LRMDA: variants seen among roughly 807,000 people sequenced by gnomAD.
The protein encoded by LRMDA is leucine rich melanocyte differentiation associated.
In LRMDA, 18 loss-of-function variants were observed where a neutral mutation model predicts 29.8. The ratio of observed to expected loss-of-function variants is 0.60; its 90% CI spans 0.42 to 0.90. LRMDA has a LOEUF of 0.90. LRMDA is among the 40% of genes least tolerant of loss of function. The pLI is 0.00. For missense variants in LRMDA, 273 were observed against 273.9 expected (o/e 1.00, Z 0.02); for synonymous variants, 125 against 109.4 (o/e 1.14, Z -0.89).
intron 2 of LRMDA, among the ~76,000 whole-genome samples, chr10:75,925,227 C>T (rs1248100024): frequency 1.3e-5 from 2 of 152,056 alleles, no homozygotes; most frequent in African/African-American, 4.8e-5. Context: ...TTTGCCCTCT[C>T]AGCATTAGGT....
Position 75,523,228 on chromosome 10 carries a change from G to A in LRMDA, c.131+84734G>A, listed in dbSNP as rs1054600989. Among the ~76,000 whole-genome samples, 4 of 152,302 alleles carry A rather than the reference G, an allele frequency of 2.6e-5. No individual in the cohort carries two copies. The South Asian group carries it at 6.2e-4, about 24-fold the overall frequency. ...CTACTACTGGCTCTCCCTGGGTGGA[G>A]AGCCTGTGAGAATGGGTGCATGAGC... On this transcript the variant is annotated intron_variant, in intron 2 of 6. Coordinates refer to ENST00000611255, the MANE Select transcript of LRMDA (RefSeq NM_001305581.2).
intron 5 of LRMDA, among the ~76,000 whole-genome samples, chr10:76,062,560 T>G (rs1419584994): frequency 6.6e-6 from 1 of 152,092 alleles, no homozygotes; most frequent in African/African-American, 2.4e-5. Flanking sequence ...CAAAGCTGGC[T>G]TCTGTCTGAG....
At chr10:75,932,725 TAA>T (rs1350118293) in intron 2 of LRMDA, among the ~76,000 whole-genome samples, 1 of 152,152 alleles carries the variant, frequency 6.6e-6, no homozygotes, top group East Asian at 1.9e-4. Flanking sequence ...CTTGAAAACA[TAA>T]AATCATGTTG....
At chr10:76,314,569 A>G (rs562219045) in intron 5 of LRMDA, among the ~76,000 whole-genome samples, 7 of 152,362 alleles carry the variant, frequency 4.6e-5, no homozygotes, top group South Asian at 2.1e-4. Context: ...ACATCATTAT[A>G]TAGTATTTTT....
At chr10:75,877,304 G>A (rs1002829871) in intron 2 of LRMDA, among the ~76,000 whole-genome samples, 7 of 152,180 alleles carry the variant, frequency 4.6e-5, no homozygotes, top group African/African-American at 1.2e-4. Context: ...AGTTGGCCTC[G>A]TCTGTGGGCA....
intron 2 of LRMDA, among the ~76,000 whole-genome samples, chr10:75,752,208 CTTTTTTT>C (rs780364065): frequency 1.1e-4 from 12 of 113,136 alleles, no homozygotes; most frequent in East Asian, 4.8e-4. Context: ...TAACGTGTCT[CTTTTTTT>C]TTTTTTTTTT....
chr10:76,272,052 A>C (rs576406766), intron 5 of LRMDA, among the ~76,000 whole-genome samples: 1 of 152,188 alleles, frequency 6.6e-6, no homozygotes, highest in Non-Finnish European at 1.5e-5. Context: ...GAGATCCATG[A>C]AGGAATAGGG....
intron 5 of LRMDA, among the ~76,000 whole-genome samples, chr10:76,285,083 GA>G (rs1318345294): frequency 6.6e-6 from 1 of 152,154 alleles, no homozygotes. Flanking sequence ...TAAGGGAAGT[GA>G]TCATGTCTGT....
chr10:76,000,057 TTG>T (rs1847534608), intron 2 of LRMDA, among the ~76,000 whole-genome samples: 1 of 152,196 alleles, frequency 6.6e-6, no homozygotes, highest in Non-Finnish European at 1.5e-5. Flanking sequence ...GACATTCTCC[TTG>T]TTGTGGGATT....
Position 75,846,107 on chromosome 10 carries a change from CTAAATAAGAAG to C in LRMDA, c.132-189897_132-189887del, listed in dbSNP as rs1353728229. Among the ~76,000 whole-genome samples, 6 of 151,704 alleles carry C rather than the reference CTAAATAAGAAG, an allele frequency of 4.0e-5. No individual in the cohort carries two copies. The East Asian group carries it at 1.2e-3, about 29-fold the overall frequency. On this transcript the variant is annotated intron_variant, in intron 2 of 6. Coordinates refer to ENST00000611255, the MANE Select transcript of LRMDA (RefSeq NM_001305581.2). ...CTGGTATGAAAATGCTAGGTACCTC[CTAAATAAGAAG>C]TAATGCATTTACTTCTTGCAGAAAC... is the stretch of plus-strand genomic sequence containing the variant.
At chr10:75,883,373 T>A (rs1278977927) in intron 2 of LRMDA, 1 of 152,210 alleles carries the variant, frequency 6.6e-6, no homozygotes, top group Non-Finnish European at 1.5e-5. Flanking sequence ...TGGGTTAACA[T>A]CTTGGAGAGT....
At chr10:76,083,004 AAGCAGGGATTC>A (rs1186124119) in intron 5 of LRMDA, among the ~76,000 whole-genome samples, 1 of 152,176 alleles carries the variant, frequency 6.6e-6, no homozygotes, top group Non-Finnish European at 1.5e-5. Context: ...CAACAATTAG[AAGCAGGGATTC>A]AGTGGATGCA....
At chr10:75,869,741 CT>C (rs1030500572) in intron 2 of LRMDA, among the ~76,000 whole-genome samples, 1 of 152,142 alleles carries the variant, frequency 6.6e-6, no homozygotes, top group African/African-American at 2.4e-5. Context: ...TGGTTCCTGC[CT>C]GTCTTCCCCA....
chr10:75,653,859 C>G (rs1038309222), intron 2 of LRMDA, among the ~76,000 whole-genome samples: 2 of 152,218 alleles, frequency 1.3e-5, no homozygotes, highest in Admixed American at 1.3e-4. Context: ...AAAATGTCAT[C>G]GGCATTCCTT....
intron 6 of LRMDA, among the ~76,000 whole-genome samples, chr10:76,526,963 A>C (rs754816127): frequency 1.4e-5 from 2 of 145,754 alleles, no homozygotes; most frequent in African/African-American, 5.1e-5. Flanking sequence ...GTACCCTAAA[A>C]CGTAAAGTAT....
chr10:76,064,707 G>A (rs1848756102), intron 5 of LRMDA, among the ~76,000 whole-genome samples: 1 of 152,044 alleles, frequency 6.6e-6, no homozygotes, highest in Non-Finnish European at 1.5e-5. Context: ...TACAATTACT[G>A]TCCTTTATAC....
intron 5 of LRMDA, among the ~76,000 whole-genome samples, chr10:76,113,025 C>T (rs1849607162): frequency 6.6e-6 from 1 of 152,192 alleles, no homozygotes; most frequent in Admixed American, 6.5e-5. Flanking sequence ...GAGGACTTAA[C>T]CTCCTTAATC....
At chr10:76,489,531 A>G (rs971731456) in intron 6 of LRMDA, among the ~76,000 whole-genome samples, 3 of 151,050 alleles carry the variant, frequency 2.0e-5, no homozygotes, top group African/African-American at 4.9e-5. Flanking sequence ...TCTGATCTTT[A>G]TTATTTATTT....
At chr10:75,532,073 AAAAAGG>A (rs1187411507) in intron 2 of LRMDA, among the ~76,000 whole-genome samples, 164 of 151,620 alleles carry the variant, frequency 1.1e-3, no homozygotes, top group Non-Finnish European at 2.1e-3. Context: ...AAAAAAAAAA[AAAAAGG>A]AAAGAGCCAG....
Sources: allele counts gnomAD v4.1 joint callset (sites outside exome capture counted in the v4.1 genomes callset), GRCh38; gene constraint gnomAD v4.1.1; transcripts MANE v1.5; gene names NCBI Gene and HGNC (gene_info 2026-07-23, HGNC 2026-07-21).